Variants in PCTP observed in about 807,000 individuals in gnomAD.
PCTP encodes the protein START domain-containing protein 2.
PCTP carries 27 observed loss-of-function variants against 31.0 expected under a neutral mutation model. The ratio of observed to expected loss-of-function variants is 0.87; its 90% confidence interval spans 0.64 to 1.20. The LOEUF is 1.20. PCTP is among the 50% of genes most tolerant of loss of function. PCTP has a pLI of 0.00. For synonymous variants in PCTP, 108 were observed against 101.2 expected, an observed-to-expected ratio of 1.07 and a Z score of -0.40; for missense variants, 287 against 268.2, an observed-to-expected ratio of 1.07 and a Z score of -0.49.
chr17:55,829,254 G>A (rs1905513302), intron 5 of PCTP, among the ~76,000 whole-genome samples: 1 of 152,038 alleles, frequency 6.6e-6, no homozygotes, highest in Non-Finnish European at 1.5e-5. Flanking sequence ...TTCACCTAGT[G>A]AATCAGTTTG....
chr17:55,846,038 T>C (rs542477706), downstream of PCTP, among the ~76,000 whole-genome samples: 1 of 152,196 alleles, frequency 6.6e-6, no homozygotes, highest in East Asian at 1.9e-4. Context: ...TTCAGGTTTT[T>C]CTTTTCTGTC....
At chr17:55,817,659 A>C (rs1047972603) in intron 3 of PCTP, among the ~76,000 whole-genome samples, 2 of 152,210 alleles carry the variant, frequency 1.3e-5, no homozygotes, top group African/African-American at 4.8e-5. Flanking sequence ...TCATGTACAA[A>C]GTGGAAAAGT....
chr17:55,799,077 G>C (rs1469327314), intron 3 of PCTP, among the ~76,000 whole-genome samples: 3 of 151,766 alleles, frequency 2.0e-5, no homozygotes, highest in African/African-American at 4.8e-5. Context: ...AATGGGGGGG[G>C]AATGCAATAA....
In PCTP at chr17:55,774,834, C is replaced by T. The variant is rs762165360; in HGVS notation, c.554C>T (p.Ser185Phe). ...GATAACCCGGGTGGCCAAATTCCGTCCTGGCTCATTAACTGGGCCGCCAAG... is the reference window on the plus strand; with the variant it reads ...GATAACCCGGGTGGCCAAATTCCGTTCTGGCTCATTAACTGGGCCGCCAAG... ...YFDNPGGQIP[S>F]WLINWAAKNG... Residue 185 changes from serine to phenylalanine, a missense_variant, in exon 5 of 6, where the codon TCC becomes TTC. Ser to Phe is a radical substitution (Grantham distance 155). Coordinates refer to ENST00000268896, the MANE Select transcript of PCTP (RefSeq NM_021213.4). The T allele has an allele frequency of 6.2e-7, 1 of 1,608,210 alleles. No individual in the cohort carries two copies. Among genetic ancestry groups the T allele is most frequent in the Non-Finnish European group, 8.5e-7 (1 of 1,178,872 alleles).
chr17:55,783,951 A>T (rs1911655899), intron 2 of PCTP, among the ~76,000 whole-genome samples: 2 of 152,176 alleles, frequency 1.3e-5, no homozygotes. Flanking sequence ...TAATCGCTGA[A>T]GCTCCATGTC....
chr17:55,826,140 T>A (rs1439148174), downstream of PCTP, among the ~76,000 whole-genome samples: 1 of 152,182 alleles, frequency 6.6e-6, no homozygotes. Context: ...GAGGAGTTTT[T>A]TTGTGGCTTG....
rs1260874331 is a variant in PCTP at position 55,776,493 on chromosome 17, A to G, written c.*393A>G. Reference sequence around the variant, plus strand: ...TGGGTGGGCGGAGGGACACAACAAAATTTAAGAATGACTATTTGGGCGGGC... The same window carrying G: ...TGGGTGGGCGGAGGGACACAACAAAGTTTAAGAATGACTATTTGGGCGGGC... On this transcript the variant is annotated 3_prime_UTR_variant, in exon 6 of 6. Transcript: ENST00000268896. The G allele has an allele frequency of 4.1e-6, 5 of 1,232,058 alleles. No individual in the cohort carries two copies. The African/African-American group carries it at 7.8e-5, about 19-fold the overall frequency. 76.3% of individuals were successfully genotyped at this position (1,232,058 alleles called of 1,614,324 possible). A position where few individuals can be genotyped will look rare whatever the true frequency, so the allele number is the denominator to read the frequency against.
chr17:55,825,273 A>T (rs1233355559), downstream of PCTP, among the ~76,000 whole-genome samples: 2 of 152,222 alleles, frequency 1.3e-5, no homozygotes, highest in Non-Finnish European at 2.9e-5. Flanking sequence ...TCCCTTTAAA[A>T]TTTTGTGAGT....
At chr17:55,781,263 C>T (rs1203188534), downstream of PCTP, among the ~76,000 whole-genome samples, 2 of 152,240 alleles carry the variant, frequency 1.3e-5, no homozygotes, top group East Asian at 1.9e-4. Flanking sequence ...ATCTGCCTCC[C>T]GTTCTCCTGC....
chr17:55,840,459 A>G (rs975281620), intron 5 of PCTP, among the ~76,000 whole-genome samples: 15 of 152,374 alleles, frequency 9.8e-5, no homozygotes, highest in African/African-American at 3.6e-4. Context: ...TATAACCACC[A>G]GAAATGAATG....
chr17:55,756,698 G>A (rs1437731110), intron 1 of PCTP, among the ~76,000 whole-genome samples: 3 of 145,346 alleles, frequency 2.1e-5, no homozygotes, highest in Non-Finnish European at 4.5e-5. Context: ...ATACACGTGT[G>A]TGTGTGTGTA....
chr17:55,751,617 G>T, intron 1 of PCTP: 2 of 767,184 alleles, frequency 2.6e-6, no homozygotes, highest in Non-Finnish European at 3.8e-6. Flanking sequence ...GGGGGCTGGG[G>T]TGGGGGAGGG....
At chr17:55,766,895 T>C (rs986764453) in intron 1 of PCTP, among the ~76,000 whole-genome samples, 1 of 152,116 alleles carries the variant, frequency 6.6e-6, no homozygotes, top group Non-Finnish European at 1.5e-5. Context: ...AAAAGTATTC[T>C]TATTTCTCCA....
the PCTP span, among the ~76,000 whole-genome samples, chr17:55,852,269 T>C: frequency 6.6e-6 from 1 of 152,170 alleles, no homozygotes; most frequent in Non-Finnish European, 1.5e-5. Flanking sequence ...CCTTTCAGCA[T>C]AATTTCATTG....
At chr17:55,815,339 C>G (rs1912883385) in intron 3 of PCTP, among the ~76,000 whole-genome samples, 1 of 152,168 alleles carries the variant, frequency 6.6e-6, no homozygotes, top group African/African-American at 2.4e-5. Context: ...GGAAATACAT[C>G]TTTTAAAATT....
At chr17:55,782,840 C>A (rs371983117) in intron 2 of PCTP, among the ~76,000 whole-genome samples, 1 of 152,334 alleles carries the variant, frequency 6.6e-6, no homozygotes, top group East Asian at 1.9e-4. Flanking sequence ...CTATTCCTTA[C>A]CTTGTCTGCA....
chr17:55,845,226 A>C (rs1302221684), downstream of PCTP, among the ~76,000 whole-genome samples: 1 of 151,682 alleles, frequency 6.6e-6, no homozygotes, highest in Non-Finnish European at 1.5e-5. Context: ...GTTCCCTTTT[A>C]GCCTTCAGCT....
At chr17:55,839,879 C>A (rs1905908410) in intron 5 of PCTP, among the ~76,000 whole-genome samples, 1 of 131,180 alleles carries the variant, frequency 7.6e-6, no homozygotes, top group African/African-American at 3.0e-5. Context: ...GAGATCCCGC[C>A]ACTGCACTCC....
downstream of PCTP, among the ~76,000 whole-genome samples, chr17:55,844,653 C>A (rs146083575): frequency 1.3e-5 from 2 of 151,978 alleles, no homozygotes; most frequent in Non-Finnish European, 2.9e-5. Context: ...ATAGACTCAC[C>A]GACATAGAAT....
Sources: allele counts gnomAD v4.1 joint callset (sites outside exome capture counted in the v4.1 genomes callset), GRCh38; gene constraint gnomAD v4.1.1; transcripts MANE v1.5; gene names NCBI Gene and HGNC (gene_info 2026-07-23, HGNC 2026-07-21).